The following CFAP299 variants were observed in gnomAD, a reference collection of about 807,000 sequenced individuals.
CFAP299 encodes the protein cilia- and flagella-associated protein 299.
Under a neutral mutation model 27.0 loss-of-function variants are expected in CFAP299, and 21 were observed. The ratio of observed to expected loss-of-function variants is 0.78; its 90% CI spans 0.55 to 1.12. The LOEUF is 1.12. Ranked by LOEUF, CFAP299 falls within the 50% of genes most tolerant of loss-of-function variation. The pLI, the probability that CFAP299 is intolerant of heterozygous loss-of-function variation, is 0.00. For synonymous variants in CFAP299, 104 were observed against 98.1 expected (o/e 1.06, Z -0.36); for missense variants, 310 against 276.6 (o/e 1.12, Z -0.86).
intron 4 of CFAP299, among the ~76,000 whole-genome samples, chr4:80,873,480 T>G (rs1733215568): frequency 6.6e-6 from 1 of 152,182 alleles, no homozygotes; most frequent in African/African-American, 2.4e-5. Context: ...TTTGACACAC[T>G]TGTGAGTAAT....
At chr4:80,652,162 G>A (rs1401343495) in intron 3 of CFAP299, among the ~76,000 whole-genome samples, 2 of 152,094 alleles carry the variant, frequency 1.3e-5, no homozygotes, top group African/African-American at 4.8e-5. Flanking sequence ...GCACATTTTA[G>A]ATGATGAAAT....
chr4:80,550,973 A>C (rs927202650), intron 2 of CFAP299, among the ~76,000 whole-genome samples: 4 of 152,196 alleles, frequency 2.6e-5, no homozygotes, highest in Non-Finnish European at 5.9e-5. Flanking sequence ...ACTTAAAAAA[A>C]TATATTGTTA....
intron 3 of CFAP299, among the ~76,000 whole-genome samples, chr4:80,635,329 C>T (rs1436290788): frequency 1.3e-5 from 2 of 152,046 alleles, no homozygotes; most frequent in African/African-American, 4.8e-5. Flanking sequence ...GAGAGATACC[C>T]CACAGAATAC....
At chr4:80,609,842 G>A (rs1737876409) in intron 3 of CFAP299, among the ~76,000 whole-genome samples, 1 of 151,818 alleles carries the variant, frequency 6.6e-6, no homozygotes. Context: ...AATGAATTTT[G>A]TCCAGGAAAA....
chr4:80,926,326 T>C (rs543793384), intron 4 of CFAP299, among the ~76,000 whole-genome samples: 16 of 152,064 alleles, frequency 1.1e-4, no homozygotes, highest in African/African-American at 3.4e-4. Context: ...AGGAAAGTAC[T>C]GTAAGCAGGG....
intron 2 of CFAP299, among the ~76,000 whole-genome samples, chr4:80,455,697 A>G (rs977330101): frequency 3.9e-5 from 6 of 152,202 alleles, no homozygotes; most frequent in East Asian, 1.9e-4. Context: ...GAGACCATGT[A>G]TCTTCTTAAA....
chr4:80,946,796 T>C (rs1171660821), intron 5 of CFAP299, among the ~76,000 whole-genome samples: 3 of 152,170 alleles, frequency 2.0e-5, no homozygotes, highest in Non-Finnish European at 4.4e-5. Context: ...TCTTTACTTA[T>C]GGGTGTCAAA....
At chr4:80,560,431 AG>A (rs752352356) in intron 2 of CFAP299, among the ~76,000 whole-genome samples, 4 of 152,048 alleles carry the variant, frequency 2.6e-5, no homozygotes, top group Admixed American at 6.6e-5. Flanking sequence ...GGGAAAGCAG[AG>A]GGAAAAGTAA....
intron 2 of CFAP299, among the ~76,000 whole-genome samples, chr4:80,517,711 A>G (rs1732654442): frequency 6.6e-6 from 1 of 152,110 alleles, no homozygotes; most frequent in African/African-American, 2.4e-5. Context: ...CCACAGATCT[A>G]TAGTTAGGCA....
intron 2 of CFAP299, among the ~76,000 whole-genome samples, chr4:80,363,661 A>ATT (rs975486182): frequency 3.3e-5 from 5 of 152,222 alleles, no homozygotes; most frequent in African/African-American, 1.2e-4. Flanking sequence ...GGAATATGCA[A>ATT]TTAGAAGTGG....
chr4:80,899,094 C>T (rs562164342), intron 4 of CFAP299, among the ~76,000 whole-genome samples: 1 of 152,212 alleles, frequency 6.6e-6, no homozygotes, highest in Non-Finnish European at 1.5e-5. Context: ...GTTACTCAAA[C>T]TCTCTCACAC....
intron 2 of CFAP299, among the ~76,000 whole-genome samples, chr4:80,391,275 A>G (rs538019975): frequency 6.6e-6 from 1 of 152,098 alleles, no homozygotes; most frequent in East Asian, 1.9e-4. Flanking sequence ...TCTATTTTTA[A>G]TTTTTTGAGA....
In CFAP299 at chr4:80,487,340, A is replaced by G. The variant is rs371029955; in HGVS notation, c.243-95753A>G. On this transcript the variant is annotated intron_variant, in intron 2 of 5. Coordinates refer to ENST00000358105, the MANE Select transcript of CFAP299 (RefSeq NM_152770.3). ...AGCAGGTATTTTAATTCTTAAAAAT[A>G]ATGTTATCTGTGGGATTTTAATTTA... Among the ~76,000 whole-genome samples, 135 of 152,326 alleles carry G rather than the reference A, an allele frequency of 8.9e-4. No homozygotes were observed. The South Asian group carries it at 0.018, about 20-fold the overall frequency.
intron 3 of CFAP299, among the ~76,000 whole-genome samples, chr4:80,845,958 A>G (rs1422270476): frequency 6.6e-6 from 1 of 152,186 alleles, no homozygotes; most frequent in Non-Finnish European, 1.5e-5. Flanking sequence ...GAAAAGTGGT[A>G]GAAGAAATAC....
intron 3 of CFAP299, among the ~76,000 whole-genome samples, chr4:80,804,027 A>C (rs1728743116): frequency 6.6e-6 from 1 of 152,132 alleles, no homozygotes; most frequent in Non-Finnish European, 1.5e-5. Context: ...GGCTTTGTGT[A>C]AAGCCTCTTT....
Position 80,870,025 on chromosome 4 carries a change from T to C in CFAP299, c.366T>C (p.His122=), listed in dbSNP as rs989694756. The change falls in exon 4 of 6, where the codon CAT becomes CAC. Residue 122 remains histidine, a synonymous_variant. Coordinates refer to ENST00000358105, the MANE Select transcript of CFAP299 (RefSeq NM_152770.3). Reference sequence around the variant, plus strand: ...TCTTTATTCGTGACAGAAATTCTCATGGGCAAGAGATATCAGGATACATCG... The same window carrying C: ...TCTTTATTCGTGACAGAAATTCTCACGGGCAAGAGATATCAGGATACATCG... ...SVIFIRDRNS[H]GQEISGYIDY... is the part of the protein sequence containing the mutation. The C allele has an allele frequency of 3.1e-6, 5 of 1,612,782 alleles. No individual in the cohort carries two copies. The highest frequency in any genetic ancestry group is 1.7e-4 in the Middle Eastern group (1 of 6,058).
intron 2 of CFAP299, among the ~76,000 whole-genome samples, chr4:80,476,324 G>A (rs926557936): frequency 8.5e-5 from 13 of 152,104 alleles, no homozygotes; most frequent in African/African-American, 2.9e-4. Context: ...GTGTGCACAG[G>A]GTACACACGG....
At chr4:80,651,292 T>TCTCTCTTA (rs892984727) in intron 3 of CFAP299, among the ~76,000 whole-genome samples, 3 of 42,914 alleles carry the variant, frequency 7.0e-5, no homozygotes, top group African/African-American at 1.2e-4. Flanking sequence ...TCTCTCTTAC[T>TCTCTCTTA]CTCTCTCTCT....
intron 2 of CFAP299, among the ~76,000 whole-genome samples, chr4:80,451,831 A>G (rs1444252219): frequency 6.6e-6 from 1 of 152,216 alleles, no homozygotes; most frequent in Non-Finnish European, 1.5e-5. Flanking sequence ...TGAGCTGATA[A>G]TTATTCAGTG....
Sources: allele counts gnomAD v4.1 joint callset (sites outside exome capture counted in the v4.1 genomes callset), GRCh38; gene constraint gnomAD v4.1.1; transcripts MANE v1.5; gene names NCBI Gene and HGNC (gene_info 2026-07-23, HGNC 2026-07-21).